The following CLDN16 variants were observed in gnomAD, a reference collection of about 807,000 sequenced individuals.
CLDN16 encodes claudin-16.
CLDN16 carries 13 observed loss-of-function variants against 24.6 expected under a neutral mutation model. The observed-to-expected ratio is 0.53, with a 90% confidence interval of 0.34 to 0.84. The LOEUF (loss-of-function observed/expected upper bound fraction) is 0.84. CLDN16 is among the 40% of genes least tolerant of loss of function. The pLI, the probability that CLDN16 is intolerant of heterozygous loss-of-function variation, is 0.01. For synonymous variants in CLDN16, 116 were observed against 106.7 expected, an observed-to-expected ratio of 1.09 and a Z score of -0.54; for missense variants, 298 against 292.7, an observed-to-expected ratio of 1.02 and a Z score of -0.13.
At chr3:190,389,184 T>C (rs1718586174) in intron 1 of CLDN16, among the ~76,000 whole-genome samples, 1 of 152,130 alleles carries the variant, frequency 6.6e-6, no homozygotes, top group Non-Finnish European at 1.5e-5. Context: ...CCTGTGGCCA[T>C]AGGAATCTGA....
At chr3:190,300,514 G>A in the CLDN16 span, among the ~76,000 whole-genome samples, 4 of 152,084 alleles carry the variant, frequency 2.6e-5, no homozygotes, top group Admixed American at 1.3e-4. Flanking sequence ...TTGTATGGCC[G>A]ACAAACTAAG....
At chr3:190,369,478 A>G (rs185224463) in intron 1 of CLDN16, among the ~76,000 whole-genome samples, 349 of 152,062 alleles carry the variant, frequency 2.3e-3, no homozygotes, top group African/African-American at 7.8e-3. Context: ...TACACAACAA[A>G]TATTCATTAT....
At chr3:190,356,162 G>A (rs1015483681) in intron 1 of CLDN16, among the ~76,000 whole-genome samples, 1 of 151,532 alleles carries the variant, frequency 6.6e-6, no homozygotes, top group African/African-American at 2.4e-5. Flanking sequence ...TTTTTTTCAG[G>A]TTCCTATACC....
the CLDN16 span, among the ~76,000 whole-genome samples, chr3:190,312,402 T>C: frequency 6.6e-6 from 1 of 152,174 alleles, no homozygotes. Flanking sequence ...ATCCTGTTTA[T>C]TCTCGAATTA....
chr3:190,330,844 A>C (rs1033310909), intron 1 of CLDN16, among the ~76,000 whole-genome samples: 2 of 152,226 alleles, frequency 1.3e-5, no homozygotes, highest in African/African-American at 4.8e-5. Flanking sequence ...GCATGTGTCT[A>C]TGTAACTTTT....
At chr3:190,313,117 C>T in the CLDN16 span, 1 of 1,517,602 alleles carries the variant, frequency 6.6e-7, no homozygotes. Context: ...GTATATGTCA[C>T]TGTTGTATGG....
upstream of CLDN16, among the ~76,000 whole-genome samples, chr3:190,385,113 T>C (rs1462226938): frequency 6.6e-6 from 1 of 152,110 alleles, no homozygotes; most frequent in Non-Finnish European, 1.5e-5. Flanking sequence ...TTTCTCTGTG[T>C]CCCAAGAGAA....
At chr3:190,345,261 G>T (rs1717526041) in intron 1 of CLDN16, among the ~76,000 whole-genome samples, 1 of 152,088 alleles carries the variant, frequency 6.6e-6, no homozygotes, top group African/African-American at 2.4e-5. Context: ...CAGATAAAAG[G>T]TCTTTCACAA....
At chr3:190,356,779 A>G (rs1717783661) in intron 1 of CLDN16, among the ~76,000 whole-genome samples, 2 of 152,050 alleles carry the variant, frequency 1.3e-5, no homozygotes, top group East Asian at 1.9e-4. Context: ...TATTACAACT[A>G]TGGATAAGTT....
At chr3:190,342,196 A>G (rs146903292) in intron 1 of CLDN16, among the ~76,000 whole-genome samples, 4,490 of 152,252 alleles carry the variant, frequency 0.029, 107 homozygotes, top group East Asian at 0.081. Flanking sequence ...CTCTGCTGGT[A>G]CCAATTTACT....
chr3:190,337,343 A>T (rs6801080), intron 1 of CLDN16, among the ~76,000 whole-genome samples: 10,733 of 152,270 alleles, frequency 0.07, 564 homozygotes, highest in African/African-American at 0.14. Flanking sequence ...GGATGAACAT[A>T]TGGAAATGGG....
intron 1 of CLDN16, among the ~76,000 whole-genome samples, chr3:190,392,059 C>CCTTTTTTTTTTTTTT (rs1718691838): frequency 7.9e-6 from 1 of 126,078 alleles, no homozygotes; most frequent in Non-Finnish European, 1.7e-5. Flanking sequence ...CCTTTTCAGT[C>CCTTTTTTTTTTTTTT]TTTTTTTTTT....
intron 1 of CLDN16, among the ~76,000 whole-genome samples, chr3:190,348,343 G>T (rs1717600612): frequency 6.8e-6 from 1 of 147,746 alleles, no homozygotes; most frequent in Admixed American, 6.7e-5. Flanking sequence ...CAATGTGTGT[G>T]TGTGTGTGTG....
At chr3:190,332,974 G>A (rs1717215725) in intron 1 of CLDN16, among the ~76,000 whole-genome samples, 1 of 152,120 alleles carries the variant, frequency 6.6e-6, no homozygotes. Flanking sequence ...TCGTACACAT[G>A]ATTAAGCAAA....
At chr3:190,322,271 G>T, upstream of CLDN16, 3 of 1,442,102 alleles carry the variant, frequency 2.1e-6, no homozygotes, top group Non-Finnish European at 2.9e-6. Flanking sequence ...GTTTGCAGGT[G>T]GGCAACCCGG....
In CLDN16 at chr3:190,410,050, G is replaced by A. The variant is rs772860827; in HGVS notation, c.*14G>A. The A allele has an allele frequency of 1.9e-6, 3 of 1,613,918 alleles. No homozygotes were observed. Among genetic ancestry groups the A allele is most frequent in the African/African-American group, 2.7e-5 (2 of 74,902 alleles). Reference sequence around the variant, plus strand: ...ACAAGGGTGTAAAATGCACGTTTCAGGGTGTGTTTGCATATGATTTAATCA... The same window carrying A: ...ACAAGGGTGTAAAATGCACGTTTCAAGGTGTGTTTGCATATGATTTAATCA... On this transcript the variant is annotated 3_prime_UTR_variant, in exon 5 of 5. Transcript: ENST00000264734.
chr3:190,369,638 T>C (rs1718092076), intron 1 of CLDN16, among the ~76,000 whole-genome samples: 1 of 152,020 alleles, frequency 6.6e-6, no homozygotes, highest in Admixed American at 6.6e-5. Context: ...ATTAGTTTTA[T>C]ATCATTTAAA....
At chr3:190,293,275 G>A in the CLDN16 span, among the ~76,000 whole-genome samples, 3 of 152,224 alleles carry the variant, frequency 2.0e-5, no homozygotes, top group East Asian at 1.9e-4. Context: ...ACAGTATGGG[G>A]GAACCACCCC....
chr3:190,347,776 C>T (rs541368386), intron 1 of CLDN16, among the ~76,000 whole-genome samples: 1 of 152,222 alleles, frequency 6.6e-6, no homozygotes, highest in East Asian at 1.9e-4. Context: ...GTAGGTTTCT[C>T]TGAAGTGGCG....
Sources: allele counts gnomAD v4.1 joint callset (sites outside exome capture counted in the v4.1 genomes callset), GRCh38; gene constraint gnomAD v4.1.1; transcripts MANE v1.5; gene names NCBI Gene and HGNC (gene_info 2026-07-23, HGNC 2026-07-21).